Variants in SPACA7 observed in about 807,000 individuals in gnomAD.
SPACA7 encodes the protein sperm acrosome-associated protein 7.
Under a neutral mutation model 26.3 loss-of-function variants are expected in SPACA7, and 19 were observed. The observed-to-expected ratio is 0.72, with a 90% CI of 0.50 to 1.06. SPACA7 has a LOEUF of 1.06. Among genes scored for constraint, SPACA7 ranks in the 50% least tolerant of loss-of-function variants. The probability of loss-of-function intolerance (pLI) is 0.00; values close to 1 mark genes in which losing one functional copy is unlikely to be tolerated. For synonymous variants in SPACA7, 84 were observed against 84.5 expected (o/e 0.99, Z 0.04); for missense variants, 211 against 229.9 (o/e 0.92, Z 0.53).
intron 5 of SPACA7, among the ~76,000 whole-genome samples, chr13:112,418,709 A>T (rs894537445): frequency 1.3e-5 from 2 of 152,188 alleles, no homozygotes; most frequent in Admixed American, 1.3e-4. Context: ...CAAAACACAA[A>T]CTTATGGGAA....
chr13:112,433,396 C>T (rs1306147783), intron 6 of SPACA7, among the ~76,000 whole-genome samples: 3 of 149,144 alleles, frequency 2.0e-5, no homozygotes, highest in African/African-American at 4.9e-5. Flanking sequence ...CAGGCACTGT[C>T]CTAGGCTCTG....
chr13:112,432,210 C>G (rs1877217393), intron 5 of SPACA7, among the ~76,000 whole-genome samples: 1 of 152,174 alleles, frequency 6.6e-6, no homozygotes, highest in South Asian at 2.1e-4. Context: ...AGATGTAGGA[C>G]TCCACGCATT....
chr13:112,402,323 CATT>C (rs1268572098), intron 5 of SPACA7, among the ~76,000 whole-genome samples: 1 of 152,144 alleles, frequency 6.6e-6, no homozygotes, highest in Non-Finnish European at 1.5e-5. Flanking sequence ...TTTTATCTAT[CATT>C]GTGTACTTTA....
At chr13:112,427,187 G>T (rs1239865221) in intron 5 of SPACA7, among the ~76,000 whole-genome samples, 1 of 152,168 alleles carries the variant, frequency 6.6e-6, no homozygotes, top group African/African-American at 2.4e-5. Flanking sequence ...AGTCTTTGAG[G>T]GCAATGTGGG....
chr13:112,386,143 C>G (rs1261203726), intron 1 of SPACA7, among the ~76,000 whole-genome samples: 1 of 152,244 alleles, frequency 6.6e-6, no homozygotes, highest in African/African-American at 2.4e-5. Flanking sequence ...AACCCAAAGC[C>G]AGTCAGCCCA....
At chr13:112,398,932 C>T in intron 3 of SPACA7, 134 bp from the exon 4 acceptor site, 4 of 649,240 alleles carry the variant, frequency 6.2e-6, no homozygotes, top group Non-Finnish European at 1.1e-5. Context: ...TACCAACGCA[C>T]ATTTCCACAT....
At chr13:112,413,814 G>T (rs1380955114) in intron 5 of SPACA7, among the ~76,000 whole-genome samples, 2 of 152,210 alleles carry the variant, frequency 1.3e-5, no homozygotes, top group East Asian at 1.9e-4. Flanking sequence ...AGTCCCTTTT[G>T]TGTTGCCATA....
intron 5 of SPACA7, among the ~76,000 whole-genome samples, chr13:112,417,008 T>C (rs1886735515): frequency 6.6e-6 from 1 of 151,984 alleles, no homozygotes; most frequent in Non-Finnish European, 1.5e-5. Flanking sequence ...ATCCTTGATT[T>C]ATACTTTTTT....
intron 5 of SPACA7, among the ~76,000 whole-genome samples, chr13:112,421,415 C>A (rs952671727): frequency 6.6e-6 from 1 of 151,820 alleles, no homozygotes; most frequent in African/African-American, 2.4e-5. Context: ...AATAACAAAT[C>A]AATAGAGGAA....
rs187545082 is a variant in SPACA7, at chr13:112,432,443, G to T, written c.446-1G>T. ...CATTGTACTTATTGTTTTCCCCACA[G>T]AAAAGAATTCAAAGAACACTCAGTA... On this transcript the variant is annotated splice_acceptor_variant, in intron 5 of 6. Transcript: ENST00000283550. LOFTEE classifies it high-confidence loss of function. 6.2e-7 allele frequency: 1 copy of T among 1,603,984 alleles called. No homozygotes were observed. Among genetic ancestry groups the T allele is most frequent in the Admixed American group, 1.7e-5 (1 of 59,922 alleles).
At chr13:112,380,702 C>T (rs977390006) in intron 1 of SPACA7, among the ~76,000 whole-genome samples, 1 of 152,156 alleles carries the variant, frequency 6.6e-6, no homozygotes, top group Non-Finnish European at 1.5e-5. Flanking sequence ...AAATTACTCA[C>T]TTTTTTCGTC....
chr13:112,376,816 C>T (rs1435872924), intron 1 of SPACA7, among the ~76,000 whole-genome samples: 1 of 152,132 alleles, frequency 6.6e-6, no homozygotes, highest in African/African-American at 2.4e-5. Context: ...CTCCACACCA[C>T]ATACACACAC....
chr13:112,415,267 T>G (rs1886619067), intron 5 of SPACA7, among the ~76,000 whole-genome samples: 1 of 152,170 alleles, frequency 6.6e-6, no homozygotes, highest in South Asian at 2.1e-4. Flanking sequence ...ATGCTGGGTC[T>G]CACCCAAAGT....
intron 5 of SPACA7, among the ~76,000 whole-genome samples, chr13:112,406,161 T>C (rs531894852): frequency 9.8e-5 from 15 of 152,330 alleles, no homozygotes; most frequent in Admixed American, 3.3e-4. Flanking sequence ...AACATATTCA[T>C]AATGCTGTCT....
At chr13:112,420,059 C>G (rs1238663166) in intron 5 of SPACA7, among the ~76,000 whole-genome samples, 2 of 152,202 alleles carry the variant, frequency 1.3e-5, no homozygotes, top group Admixed American at 1.3e-4. Flanking sequence ...CAAGCCAGAC[C>G]TACCTCTGAC....
chr13:112,379,407 A>G (rs529051189), intron 1 of SPACA7, among the ~76,000 whole-genome samples: 13 of 152,340 alleles, frequency 8.5e-5, no homozygotes, highest in African/African-American at 3.1e-4. Flanking sequence ...CATAAAATGC[A>G]TAAAATGGCC....
intron 1 of SPACA7, among the ~76,000 whole-genome samples, chr13:112,386,476 CAG>C (rs901104552): frequency 6.6e-6 from 1 of 152,056 alleles, no homozygotes; most frequent in Admixed American, 6.6e-5. Flanking sequence ...ATGAGGAAAA[CAG>C]AGTCTTTTTT....
chr13:112,434,542 G>A lies in SPACA7; in HGVS notation c.581G>A (p.Ser194Asn). Residue 194 changes from serine to asparagine, a missense_variant, in exon 7 of 7, where the codon AGT becomes AAT. Physicochemically the swap from Ser to Asn is conservative, Grantham distance 46 (BLOSUM62 1). Transcript: ENST00000283550. ...AGCGCACAGAGGAGGAGCCAAGGCA[G>A]TCAGTGAGGCCGCAGCCCCAGACCC... ...RTSAQRRSQG[S>N]Q The A allele has an allele frequency of 5.6e-6, 9 of 1,607,424 alleles. No individual in the cohort carries two copies. Among genetic ancestry groups the A allele is most frequent in the Non-Finnish European group, 7.6e-6 (9 of 1,177,446 alleles).
chr13:112,386,103 A>G (rs1044658842), intron 1 of SPACA7, among the ~76,000 whole-genome samples: 2 of 152,246 alleles, frequency 1.3e-5, no homozygotes, highest in Admixed American at 1.3e-4. Context: ...AGACAGTGCA[A>G]TGCTTCTACT....
Sources: gnomAD v4.1 joint callset for allele counts (sites outside exome capture counted in the v4.1 genomes callset) on GRCh38, gnomAD v4.1.1 for gene constraint, MANE v1.5 for transcripts, NCBI Gene and HGNC (gene_info 2026-07-23, HGNC 2026-07-21) for gene names.